KAZN: variants seen among roughly 807,000 people sequenced by gnomAD.
KAZN encodes kazrin, periplakin interacting protein.
In KAZN, 40 loss-of-function variants were observed where a neutral mutation model predicts 87.4. That is an observed-to-expected ratio of 0.46 (90% CI 0.36 to 0.60). The LOEUF is 0.60. KAZN is among the 20% of genes least tolerant of loss of function. The probability of loss-of-function intolerance (pLI) is 0.00; values close to 1 mark genes in which losing one functional copy is unlikely to be tolerated. For missense variants in KAZN, 898 were observed against 1,073.9 expected, an observed-to-expected ratio of 0.84 and a Z score of 2.29; for synonymous variants, 466 against 458.3, an observed-to-expected ratio of 1.02 and a Z score of -0.22.
intron 1 of KAZN, among the ~76,000 whole-genome samples, chr1:14,926,918 A>G (rs1380756150): frequency 6.6e-6 from 1 of 152,018 alleles, no homozygotes; most frequent in Non-Finnish European, 1.5e-5. Flanking sequence ...ATAGAGGGGG[A>G]TGCTGGCTTG....
At chr1:14,119,632 T>C (rs1644707809) in intron 1 of KAZN, among the ~76,000 whole-genome samples, 1 of 152,160 alleles carries the variant, frequency 6.6e-6, no homozygotes, top group African/African-American at 2.4e-5. Flanking sequence ...ACTGATTAGA[T>C]GGATTAACTC....
chr1:14,811,678 T>G (rs1052653194), intron 1 of KAZN, among the ~76,000 whole-genome samples: 1 of 152,206 alleles, frequency 6.6e-6, no homozygotes, highest in African/African-American at 2.4e-5. Context: ...TTGTTCTCAT[T>G]TTTTGTCTCT....
At chr1:15,107,234 G>A (rs1389285802) in intron 13 of KAZN, among the ~76,000 whole-genome samples, 2 of 152,160 alleles carry the variant, frequency 1.3e-5, no homozygotes, top group African/African-American at 2.4e-5. Flanking sequence ...CTGCCTTCAC[G>A]AAGCTTACAG....
At position 14,417,011 on chromosome 1, in the gene KAZN, T is replaced by TACACACAC. The variant is rs58667891; in HGVS notation, c.250-181949_250-181942dup. On this transcript the variant is annotated intron_variant, in intron 2 of 16. Transcript: ENST00000636203. ...ATATATGTGTGTATGTATATATATG[T>TACACACAC]ACACACACACACACACACACACACA... is the stretch of plus-strand genomic sequence containing the variant. 3.0e-3 allele frequency among the ~76,000 whole-genome samples: 433 copies of TACACACAC among 145,596 alleles called. 9 individuals are homozygous for TACACACAC. In the East Asian group the frequency reaches 0.035, roughly 12 times the overall value.
At chr1:14,182,413 C>A (rs866602039) in intron 2 of KAZN, among the ~76,000 whole-genome samples, 21 of 152,292 alleles carry the variant, frequency 1.4e-4, no homozygotes, top group Middle Eastern at 3.4e-3. Context: ...TTTAAACTAA[C>A]AAAGGATGAA....
At chr1:15,043,963 G>A (rs773933371) in intron 3 of KAZN, 26 bp from the exon 4 acceptor site, 1 of 1,586,996 alleles carries the variant, frequency 6.3e-7, no homozygotes, top group East Asian at 2.3e-5. Context: ...AACACCCACG[G>A]TGCTCTCTCC....
At chr1:14,661,810 G>A (rs1263396342) in intron 1 of KAZN, among the ~76,000 whole-genome samples, 1 of 152,118 alleles carries the variant, frequency 6.6e-6, no homozygotes, top group Non-Finnish European at 1.5e-5. Flanking sequence ...TAGCTGCTTG[G>A]GTGGCTGAGG....
chr1:14,546,820 T>A (rs1413841679), intron 2 of KAZN, among the ~76,000 whole-genome samples: 1 of 152,226 alleles, frequency 6.6e-6, no homozygotes, highest in Non-Finnish European at 1.5e-5. Flanking sequence ...GAATTTTTTT[T>A]AAAGAAGCAT....
chr1:14,135,506 G>T (rs1645088846), intron 1 of KAZN, among the ~76,000 whole-genome samples: 1 of 152,166 alleles, frequency 6.6e-6, no homozygotes, highest in African/African-American at 2.4e-5. Flanking sequence ...GATGATCAAA[G>T]ATTTTGGGAA....
At chr1:14,972,110 C>G (rs1665115273) in intron 2 of KAZN, among the ~76,000 whole-genome samples, 1 of 152,184 alleles carries the variant, frequency 6.6e-6, no homozygotes, top group South Asian at 2.1e-4. Flanking sequence ...GGACAGGACT[C>G]GGTGTGCGTC....
intron 2 of KAZN, among the ~76,000 whole-genome samples, chr1:14,256,299 A>G (rs552348399): frequency 6.6e-6 from 1 of 152,262 alleles, no homozygotes; most frequent in East Asian, 1.9e-4. Context: ...TGGCCACACA[A>G]TATTTAATAT....
At chr1:14,059,814 C>G (rs1240490860) in intron 1 of KAZN, among the ~76,000 whole-genome samples, 1 of 152,206 alleles carries the variant, frequency 6.6e-6, no homozygotes, top group African/African-American at 2.4e-5. Context: ...GTCCAGGGTG[C>G]CTTAAGTGTT....
rs145864511 is a variant in KAZN at position 14,735,420 on chromosome 1, C to T, written c.226+136197C>T. On this transcript the variant is annotated intron_variant, in intron 1 of 14. Coordinates refer to ENST00000376030, the MANE Select transcript of KAZN (RefSeq NM_201628.3). This position sits in a 1 kb window ranked among gnomAD's most constrained non-coding sequence, Gnocchi z 4.3. ...AGGGAACACAAAAGAGGTATAGGAT[C>T]TCCTTCTTCTTCCAGGCAGCCCTGC... Among the ~76,000 whole-genome samples the T allele has an allele frequency of 2.8e-3, 419 of 152,310 alleles. 4 individuals carry two copies. The highest frequency in any genetic ancestry group is 9.8e-3 in the African/African-American group (406 of 41,576).
intron 1 of KAZN, among the ~76,000 whole-genome samples, chr1:14,713,678 G>T (rs1314559246): frequency 6.7e-6 from 1 of 148,252 alleles, no homozygotes; most frequent in African/African-American, 2.5e-5. Flanking sequence ...AGTGGCTTAT[G>T]CCTGTAATCC....
At chr1:14,887,072 A>G (rs1654151461) in intron 1 of KAZN, among the ~76,000 whole-genome samples, 1 of 152,180 alleles carries the variant, frequency 6.6e-6, no homozygotes, top group African/African-American at 2.4e-5. Flanking sequence ...TTACTTATTC[A>G]TTTATTTGTT....
intron 2 of KAZN, among the ~76,000 whole-genome samples, chr1:14,467,985 G>A (rs1348972661): frequency 6.6e-6 from 1 of 152,210 alleles, no homozygotes; most frequent in Non-Finnish European, 1.5e-5. Context: ...CTTCTCTGGA[G>A]AGCAGTTTGG....
chr1:14,790,348 A>G (rs1002621405), intron 1 of KAZN, among the ~76,000 whole-genome samples: 1 of 152,088 alleles, frequency 6.6e-6, no homozygotes, highest in African/African-American at 2.4e-5. Context: ...TGGGATATAC[A>G]TGGAATAAAG....
intron 1 of KAZN, among the ~76,000 whole-genome samples, chr1:14,722,251 G>GCAAA (rs1211574138): frequency 6.6e-6 from 1 of 152,144 alleles, no homozygotes; most frequent in African/African-American, 2.4e-5. Context: ...ATTTCCATGT[G>GCAAA]CGTTTTAGTA....
chr1:14,449,587 G>A (rs1667157308), intron 2 of KAZN, among the ~76,000 whole-genome samples: 1 of 152,206 alleles, frequency 6.6e-6, no homozygotes, highest in South Asian at 2.1e-4. Context: ...TTCGGGAGGA[G>A]AGAGTAGTAT....
Sources: allele counts gnomAD v4.1 joint callset (sites outside exome capture counted in the v4.1 genomes callset), GRCh38; gene constraint gnomAD v4.1.1; non-coding constraint Gnocchi (gnomAD v3.1); transcripts MANE v1.5; gene names NCBI Gene and HGNC (gene_info 2026-07-23, HGNC 2026-07-21).